The following FNDC3A variants were observed in gnomAD, a reference collection of about 807,000 sequenced individuals.
The protein encoded by FNDC3A is fibronectin type-III domain-containing protein 3A.
Under a neutral mutation model 148.9 loss-of-function variants are expected in FNDC3A, and 32 were observed. The observed-to-expected ratio is 0.21, with a 90% CI of 0.16 to 0.29. FNDC3A has a LOEUF of 0.29. Ranked by LOEUF, FNDC3A falls within the 10% of genes least tolerant of loss-of-function variation. The pLI, the probability that FNDC3A is intolerant of heterozygous loss-of-function variation, is 1.00. For missense variants in FNDC3A, 1,191 were observed against 1,452.8 expected (o/e 0.82, Z 2.93); for synonymous variants, 472 against 473.6 (o/e 1.00, Z 0.04).
intron 3 of FNDC3A, among the ~76,000 whole-genome samples, chr13:49,099,035 T>TA (rs1879701459): frequency 6.6e-6 from 1 of 152,166 alleles, no homozygotes; most frequent in South Asian, 2.1e-4. Context: ...TTCATAGCCT[T>TA]AATAAATAAG....
intron 2 of FNDC3A, among the ~76,000 whole-genome samples, chr13:49,029,392 A>G (rs1873951346): frequency 6.6e-6 from 1 of 152,216 alleles, no homozygotes; most frequent in African/African-American, 2.4e-5. Context: ...ATGATACAAC[A>G]TACTAAAATT....
intron 2 of FNDC3A, among the ~76,000 whole-genome samples, chr13:49,067,148 G>A (rs1484622308): frequency 6.6e-6 from 1 of 152,124 alleles, no homozygotes; most frequent in African/African-American, 2.4e-5. Context: ...AAGGTCAGAT[G>A]AGGGAAGAAC....
At chr13:49,176,676 C>T (rs764332967) in intron 13 of FNDC3A, among the ~76,000 whole-genome samples, 24 of 152,060 alleles carry the variant, frequency 1.6e-4, no homozygotes, top group African/African-American at 2.4e-4. Flanking sequence ...TGGCATTAAT[C>T]CTAATACAAT....
At chr13:49,024,981 TA>T (rs1726607155) in intron 2 of FNDC3A, among the ~76,000 whole-genome samples, 1 of 152,110 alleles carries the variant, frequency 6.6e-6, no homozygotes, top group African/African-American at 2.4e-5. Context: ...CTACTACTGT[TA>T]TTTTCTTCAG....
intron 2 of FNDC3A, among the ~76,000 whole-genome samples, chr13:49,072,987 T>A (rs1382529324): frequency 1.3e-5 from 2 of 152,240 alleles, no homozygotes; most frequent in Non-Finnish European, 2.9e-5. Context: ...TGGCTGGATG[T>A]ACTAAGCCTT....
intron 4 of FNDC3A, among the ~76,000 whole-genome samples, chr13:49,121,773 A>G (rs922281163): frequency 1.3e-5 from 2 of 152,210 alleles, no homozygotes; most frequent in African/African-American, 2.4e-5. Flanking sequence ...TCCTGGACGC[A>G]TACACCCCCC....
intron 8 of FNDC3A, among the ~76,000 whole-genome samples, chr13:49,166,576 T>A (rs1884473855): frequency 6.6e-6 from 1 of 152,146 alleles, no homozygotes; most frequent in South Asian, 2.1e-4. Flanking sequence ...CATCTCCCTA[T>A]GTTAGTTGCA....
At chr13:49,190,342 A>T (rs1168176426) in intron 17 of FNDC3A, among the ~76,000 whole-genome samples, 1 of 152,214 alleles carries the variant, frequency 6.6e-6, no homozygotes, top group Non-Finnish European at 1.5e-5. Flanking sequence ...GGTGGAAAGG[A>T]TGAAGGAAAG....
At chr13:49,163,141 G>T (rs1377764431) in intron 8 of FNDC3A, among the ~76,000 whole-genome samples, 1 of 152,178 alleles carries the variant, frequency 6.6e-6, no homozygotes, top group African/African-American at 2.4e-5. Context: ...ACTCCGTGCT[G>T]GGAGAACCAC....
At chr13:48,981,115 A>G (rs187953906) in intron 1 of FNDC3A, among the ~76,000 whole-genome samples, 12 of 152,226 alleles carry the variant, frequency 7.9e-5, no homozygotes, top group Admixed American at 6.5e-4. Flanking sequence ...ACTTAATACA[A>G]TTTTTACTTT....
intron 2 of FNDC3A, 52 bp downstream of exon 2, chr13:49,006,341 G>A: frequency 9.7e-7 from 1 of 1,031,106 alleles, no homozygotes; most frequent in Non-Finnish European, 1.5e-6. Context: ...ATGTATTTAT[G>A]CAAAATTTAA....
chr13:49,060,674 T>G (rs565497292), intron 2 of FNDC3A, among the ~76,000 whole-genome samples: 1 of 143,650 alleles, frequency 7.0e-6, no homozygotes, highest in African/African-American at 2.6e-5. Flanking sequence ...AAAAAAGTGC[T>G]GATGCATGCT....
chr13:49,139,409 C>T (rs1449653373), intron 7 of FNDC3A, among the ~76,000 whole-genome samples: 2 of 152,114 alleles, frequency 1.3e-5, no homozygotes, highest in African/African-American at 4.8e-5. Flanking sequence ...CTACTCTTTC[C>T]CAACTCTCAG....
chr13:49,056,708 T>C lies in FNDC3A; in HGVS notation c.100-18581T>C, dbSNP rs140130336. Among the ~76,000 whole-genome samples, 312 of 152,350 alleles carry C rather than the reference T, an allele frequency of 2.0e-3. 3 individuals carry two copies. Among genetic ancestry groups the C allele is most frequent in the African/African-American group, 7.1e-3 (296 of 41,584 alleles). On this transcript the variant is annotated intron_variant, in intron 2 of 25. Transcript: ENST00000492622. Reference sequence around the variant, plus strand: ...ATGCTGTTTAACTATTTCATTGTTTTGTTTCTTTTAACTTCAGTGACCACA... The same window carrying C: ...ATGCTGTTTAACTATTTCATTGTTTCGTTTCTTTTAACTTCAGTGACCACA...
chr13:48,999,599 T>C (rs988285050), intron 1 of FNDC3A, among the ~76,000 whole-genome samples: 5 of 152,114 alleles, frequency 3.3e-5, no homozygotes, highest in Non-Finnish European at 7.4e-5. Flanking sequence ...TTTTGGAAGG[T>C]CAGGGGCCGA....
In FNDC3A at chr13:49,162,344, C is replaced by T. The variant is rs61192069; in HGVS notation, c.978-4900C>T. ...TTTCTCTAAACTTATCTTCTCACTTCATTTCATTAATTTGTGCTTCAGTCA... is the reference window on the plus strand; with the variant it reads ...TTTCTCTAAACTTATCTTCTCACTTTATTTCATTAATTTGTGCTTCAGTCA... On this transcript the variant is annotated intron_variant, in intron 8 of 25. Coordinates refer to ENST00000492622, the MANE Select transcript of FNDC3A (RefSeq NM_001079673.2). 9.5e-3 allele frequency among the ~76,000 whole-genome samples: 1,443 copies of T among 152,250 alleles called. 14 individuals carry two copies. The highest frequency in any genetic ancestry group is 0.023 in the African/African-American group (937 of 41,532).
chr13:49,081,778 G>T (rs1878487991), intron 3 of FNDC3A, among the ~76,000 whole-genome samples: 1 of 152,062 alleles, frequency 6.6e-6, no homozygotes, highest in Non-Finnish European at 1.5e-5. Flanking sequence ...TCAGTATTCA[G>T]TGAGGGACAA....
intron 14 of FNDC3A, among the ~76,000 whole-genome samples, chr13:49,182,828 GCCC>G (rs1885377394): frequency 6.6e-6 from 1 of 151,826 alleles, no homozygotes; most frequent in African/African-American, 2.4e-5. Context: ...CCCTAAGTGT[GCCC>G]TAGCTAAGTC....
intron 2 of FNDC3A, chr13:49,045,046 TC>T: frequency 1.8e-5 from 1 of 54,790 alleles, no homozygotes; most frequent in Non-Finnish European, 5.0e-5. Flanking sequence ...CTTTCCCTTT[TC>T]CTTTCCCTTT....
Sources: allele counts gnomAD v4.1 joint callset (sites outside exome capture counted in the v4.1 genomes callset), GRCh38; gene constraint gnomAD v4.1.1; transcripts MANE v1.5; gene names NCBI Gene and HGNC (gene_info 2026-07-23, HGNC 2026-07-21).